RERE: variants seen among roughly 807,000 people sequenced by gnomAD.
The protein encoded by RERE is arginine-glutamic acid dipeptide repeats protein.
A neutral mutation model predicts 146.1 loss-of-function variants in RERE; 40 were observed. The ratio of observed to expected loss-of-function variants is 0.27; its 90% CI spans 0.21 to 0.36. The LOEUF (loss-of-function observed/expected upper bound fraction) is 0.36, where lower values mean the gene tolerates loss of function less well. Among genes scored for constraint, RERE ranks in the 10% least tolerant of loss-of-function variants. The probability of loss-of-function intolerance (pLI) is 1.00; values close to 1 mark genes in which losing one functional copy is unlikely to be tolerated. For missense variants in RERE, 1,933 were observed against 2,138.7 expected (o/e 0.90, Z 1.90); for synonymous variants, 1,003 against 866.0 (o/e 1.16, Z -2.78).
chr1:8,689,580 G>C (rs777530464), intron 1 of RERE, among the ~76,000 whole-genome samples: 3 of 152,044 alleles, frequency 2.0e-5, no homozygotes, highest in Non-Finnish European at 4.4e-5. Flanking sequence ...TTTTTTCCCT[G>C]AGACAGGAAA....
At chr1:8,734,476 C>T (rs981951785) in intron 1 of RERE, among the ~76,000 whole-genome samples, 2 of 152,118 alleles carry the variant, frequency 1.3e-5, no homozygotes, top group Admixed American at 1.3e-4. Flanking sequence ...TGAATCCAGA[C>T]ACTGCTCATT....
At chr1:8,464,183 CTG>C (rs1303887845) in intron 11 of RERE, among the ~76,000 whole-genome samples, 4 of 152,166 alleles carry the variant, frequency 2.6e-5, no homozygotes, top group African/African-American at 9.7e-5. Flanking sequence ...TTCATGAACT[CTG>C]TAAGTCTGAT....
At chr1:8,757,867 T>C (rs1313125409) in intron 1 of RERE, among the ~76,000 whole-genome samples, 2 of 151,882 alleles carry the variant, frequency 1.3e-5, no homozygotes, top group Non-Finnish European at 2.9e-5. Flanking sequence ...AACAGATGAA[T>C]GGATAAAGTC....
chr1:8,547,755 A>T lies in RERE; in HGVS notation c.726-6437T>A, dbSNP rs374594729. Among the ~76,000 whole-genome samples, 3 of 152,358 alleles carry T rather than the reference A, an allele frequency of 2.0e-5. No homozygotes were observed. The East Asian group carries it at 5.8e-4, about 29-fold the overall frequency. ...TAGGAAAACAGGCTGCTTCATACTT[A>T]TCAGAAGGAACACAAATTGGTACAT... On this transcript the variant is annotated intron_variant, in intron 6 of 22. Transcript: ENST00000400908.
intron 1 of RERE, among the ~76,000 whole-genome samples, chr1:8,776,455 G>A (rs1156796683): frequency 6.6e-6 from 1 of 152,088 alleles, no homozygotes; most frequent in Non-Finnish European, 1.5e-5. Flanking sequence ...ACGCCATCAT[G>A]ACCCACTAAT....
Position 8,672,873 on chromosome 1 carries a change from A to C in RERE, c.-144-16432T>G, listed in dbSNP as rs563879277. Among the ~76,000 whole-genome samples, 32 of 152,312 alleles carry C rather than the reference A, an allele frequency of 2.1e-4. 1 individual carries two copies. In the South Asian group the frequency reaches 6.4e-3, roughly 31 times the overall value. ...ATGTTTACTACCAAACAAACAAACA[A>C]AATCTTTAATACTATTTGCTCAGGG... On this transcript the variant is annotated intron_variant, in intron 1 of 22. Coordinates refer to ENST00000400908, the MANE Select transcript of RERE (RefSeq NM_001042681.2).
chr1:8,356,528 C>T lies in RERE; in HGVS notation c.4340-282G>A, dbSNP rs1050626630. 1.3e-5 allele frequency among the ~76,000 whole-genome samples: 2 copies of T among 152,300 alleles called. No individual in the cohort carries two copies. The highest frequency in any genetic ancestry group is 3.9e-4 in the East Asian group (2 of 5,166). ...ACAGGCAATCCCAGGCCAGTTTTGT[C>T]GAGGACCCGGGATCAGCAGGGTCCC... On this transcript the variant is annotated intron_variant, in intron 20 of 22. Coordinates refer to ENST00000400908, the MANE Select transcript of RERE (RefSeq NM_001042681.2). This position sits in a 1 kb window ranked among gnomAD's most constrained non-coding sequence, Gnocchi z 5.2.
At chr1:8,593,689 G>A (rs1218784281) in intron 4 of RERE, among the ~76,000 whole-genome samples, 1 of 152,254 alleles carries the variant, frequency 6.6e-6, no homozygotes, top group Non-Finnish European at 1.5e-5. Flanking sequence ...CCACTGCAGA[G>A]CAGTGATTTT....
Position 8,754,624 on chromosome 1 carries a change from T to C in RERE, c.-145+62536A>G, listed in dbSNP as rs184045009. Reference sequence around the variant, plus strand: ...GCTAAGAACACTGCAGATGTATGTTTTGCCCTCACTCATGGGGAAAGAATC... The same window carrying C: ...GCTAAGAACACTGCAGATGTATGTTCTGCCCTCACTCATGGGGAAAGAATC... On this transcript the variant is annotated intron_variant, in intron 1 of 22. Transcript: ENST00000400908. Among the ~76,000 whole-genome samples, 141 of 152,310 alleles carry C rather than the reference T, an allele frequency of 9.3e-4. 1 individual carries two copies. Among genetic ancestry groups the C allele is most frequent in the African/African-American group, 1.3e-3 (54 of 41,568 alleles).
At chr1:8,518,714 C>T (rs1645452894) in intron 7 of RERE, among the ~76,000 whole-genome samples, 1 of 152,194 alleles carries the variant, frequency 6.6e-6, no homozygotes. Context: ...CCAGCATGAA[C>T]ACATACTTCA....
chr1:8,570,419 T>C (rs1200439292), intron 4 of RERE, among the ~76,000 whole-genome samples: 1 of 152,194 alleles, frequency 6.6e-6, no homozygotes, highest in Non-Finnish European at 1.5e-5. Context: ...TACATGCTCG[T>C]GTTAACATAA....
Position 8,364,017 on chromosome 1 carries a change from A to G in RERE, c.1740+39T>C, listed in dbSNP as rs1457987798. ...AGCCCCCACACATCCCAGGAAACTG[A>G]AGAAGTTGCCAGGAGCCCCATGGCC... is the stretch of plus-strand genomic sequence containing the variant. On this transcript the variant is annotated intron_variant, in intron 15 of 22. Transcript: ENST00000400908. This position sits in a 1 kb window ranked among gnomAD's most constrained non-coding sequence, Gnocchi z 5.1. 1 of 1,581,076 alleles carries G rather than the reference A, an allele frequency of 6.3e-7. No homozygotes were observed. The highest frequency in any genetic ancestry group is 1.3e-5 in the African/African-American group (1 of 74,148).
chr1:8,455,383 C>G (rs1644442168), intron 11 of RERE, among the ~76,000 whole-genome samples: 1 of 152,160 alleles, frequency 6.6e-6, no homozygotes, highest in South Asian at 2.1e-4. Context: ...CAGCCAGATT[C>G]ACCTGTGCTG....
chr1:8,470,348 C>T (rs1448640120), intron 10 of RERE, among the ~76,000 whole-genome samples: 2 of 151,980 alleles, frequency 1.3e-5, no homozygotes, highest in South Asian at 2.1e-4. Context: ...CTGCAACCTC[C>T]GCCTCCCAGT....
chr1:8,753,626 T>G lies in RERE; in HGVS notation c.-145+63534A>C, dbSNP rs569357555. On this transcript the variant is annotated intron_variant, in intron 1 of 22. Transcript: ENST00000400908. Reference sequence around the variant, plus strand: ...CAATGCAGCAGCATCTGGCTCATTATAACACTCAGTTTTAACTAATAAATC... The same window carrying G: ...CAATGCAGCAGCATCTGGCTCATTAGAACACTCAGTTTTAACTAATAAATC... 4 of 152,354 alleles carry G rather than the reference T, an allele frequency of 2.6e-5. No individual in the cohort carries two copies. In the South Asian group the frequency reaches 8.3e-4, roughly 32 times the overall value. The allele number at this position is 152,354 out of a possible 1,614,324, so 9.4% of individuals were successfully genotyped here.
At chr1:8,525,601 C>G (rs76482540) in intron 7 of RERE, among the ~76,000 whole-genome samples, 1 of 152,210 alleles carries the variant, frequency 6.6e-6, no homozygotes, top group Non-Finnish European at 1.5e-5. Flanking sequence ...TCTGATTTTA[C>G]GCTTCACAAT....
At position 8,552,917 on chromosome 1, in the gene RERE, C is replaced by T. The variant is rs1199788438; in HGVS notation, c.725+3558G>A. Among the ~76,000 whole-genome samples, 4 of 151,822 alleles carry T rather than the reference C, an allele frequency of 2.6e-5. No homozygotes were observed. The East Asian group carries it at 5.9e-4, about 22-fold the overall frequency. On this transcript the variant is annotated intron_variant, in intron 6 of 22. Coordinates refer to ENST00000400908, the MANE Select transcript of RERE (RefSeq NM_001042681.2). ...ACAAAACTGCACCACTAGGCCAGTG[C>T]GTTCACACACACGTGACACCACACC...
intron 4 of RERE, among the ~76,000 whole-genome samples, chr1:8,612,279 T>C (rs1405711147): frequency 6.6e-6 from 1 of 152,224 alleles, no homozygotes; most frequent in Non-Finnish European, 1.5e-5. Context: ...TTACACTGTA[T>C]TAGATCTGTG....
At chr1:8,785,576 C>T (rs534771496) in intron 1 of RERE, among the ~76,000 whole-genome samples, 1 of 152,340 alleles carries the variant, frequency 6.6e-6, no homozygotes, top group African/African-American at 2.4e-5. Context: ...CTATGACATA[C>T]TTTGAAGACA....
Sources: allele counts gnomAD v4.1 joint callset (sites outside exome capture counted in the v4.1 genomes callset), GRCh38; gene constraint gnomAD v4.1.1; non-coding constraint Gnocchi (gnomAD v3.1); transcripts MANE v1.5; gene names NCBI Gene and HGNC (gene_info 2026-07-23, HGNC 2026-07-21).